PCDHGB5: variants seen among roughly 807,000 people sequenced by gnomAD.
The protein encoded by PCDHGB5 is protocadherin gamma-B5.
In PCDHGB5, 48 loss-of-function variants were observed where a neutral mutation model predicts 62.9. The observed-to-expected ratio is 0.76, with a 90% CI of 0.61 to 0.97. The LOEUF is 0.97. Among genes scored for constraint, PCDHGB5 ranks in the 50% least tolerant of loss-of-function variants. PCDHGB5 has a pLI of 0.00. For missense variants in PCDHGB5, 1,118 were observed against 1,198.6 expected (o/e 0.93, Z 0.99); for synonymous variants, 474 against 511.2 (o/e 0.93, Z 0.98).
chr5:141,506,162 C>T (rs1448735916), intron 3 of PCDHGB5, among the ~76,000 whole-genome samples: 1 of 152,124 alleles, frequency 6.6e-6, no homozygotes, highest in Non-Finnish European at 1.5e-5. Flanking sequence ...CTTAAGAGCA[C>T]AGCCTAAGCT....
intron 1 of PCDHGB5, among the ~76,000 whole-genome samples, chr5:141,462,897 G>A (rs2099049236): frequency 6.6e-6 from 1 of 152,130 alleles, no homozygotes; most frequent in South Asian, 2.1e-4. Context: ...TGTTTTGGAA[G>A]GCTATTATGT....
chr5:141,413,366 C>T (rs1452603006), intron 1 of PCDHGB5: 2 of 1,613,958 alleles, frequency 1.2e-6, no homozygotes, highest in Middle Eastern at 1.7e-4. Flanking sequence ...CGGGAGCTGG[C>T]GGAGCGCGGA....
At chr5:141,404,058 T>C (rs1411363585) in intron 1 of PCDHGB5, 1 of 1,613,778 alleles carries the variant, frequency 6.2e-7, no homozygotes, top group Non-Finnish European at 8.5e-7. Flanking sequence ...ATTCTTCTTT[T>C]CAATGCTCAT....
rs1310725827 is a variant in PCDHGB5, at chr5:141,500,934, T to C, written c.2457-4459T>C. The stretch of plus-strand genomic sequence containing the variant: ...TCCAGGCTGGGGTGCAGTGGCGCCA[T>C]CTCGGCTCACTGCAAGCTCCACCTC... On this transcript the variant is annotated intron_variant, in intron 2 of 3. Transcript: ENST00000617380. 5.9e-5 allele frequency among the ~76,000 whole-genome samples: 9 copies of C among 151,906 alleles called. 1 individual carries two copies. Among genetic ancestry groups the C allele is most frequent in the Non-Finnish European group, 1.3e-4 (9 of 68,020 alleles).
chr5:141,427,871 G>T, intron 1 of PCDHGB5: 1 of 1,559,532 alleles, frequency 6.4e-7, no homozygotes, highest in Non-Finnish European at 8.8e-7. Flanking sequence ...TCGAGCTCAC[G>T]ATGCAGGCCC....
In PCDHGB5 at chr5:141,413,486, C is replaced by T. The variant is rs756751796; in HGVS notation, c.2397+12962C>T. On this transcript the variant is annotated intron_variant, in intron 1 of 3. Transcript: ENST00000617380. Reference sequence around the variant, plus strand: ...CGGGAGGAGCTCTGCGCTCAGAGCGCGCGGTGCGTGGTGAGTTTTAATATC... The same window carrying T: ...CGGGAGGAGCTCTGCGCTCAGAGCGTGCGGTGCGTGGTGAGTTTTAATATC... 5.0e-6 allele frequency: 8 copies of T among 1,613,914 alleles called. No homozygotes were observed. The African/African-American group carries it at 9.3e-5, about 19-fold the overall frequency.
In PCDHGB5 at chr5:141,418,244, C is replaced by T. The variant is rs746986702; in HGVS notation, c.2397+17720C>T. 1.3e-5 allele frequency: 21 copies of T among 1,613,980 alleles called. No individual in the cohort carries two copies. The South Asian group carries it at 2.2e-4, about 17-fold the overall frequency. ...TGTGGTGATTGAGGATGTTAATGAC[C>T]ACGCCCCTCAATTCCGGAAAGATGA... is the stretch of plus-strand genomic sequence containing the variant. On this transcript the variant is annotated intron_variant, in intron 1 of 3. Transcript: ENST00000617380.
chr5:141,471,036 C>A (rs1437409726), intron 1 of PCDHGB5, among the ~76,000 whole-genome samples: 1 of 144,908 alleles, frequency 6.9e-6, no homozygotes, highest in Admixed American at 7.0e-5. Context: ...TATTAACAAG[C>A]CCAAGCCCTC....
chr5:141,502,331 G>C lies in PCDHGB5; in HGVS notation c.2457-3062G>C, dbSNP rs555959890. ...TCCTTTAATCTGGAGCCAGCTCCCA[G>C]TCTTTTTATTTTTTTAATGACATGG... On this transcript the variant is annotated intron_variant, in intron 2 of 3. Transcript: ENST00000617380. Among the ~76,000 whole-genome samples, 42 of 152,102 alleles carry C rather than the reference G, an allele frequency of 2.8e-4. No individual in the cohort carries two copies. The South Asian group carries it at 6.2e-3, about 23-fold the overall frequency.
chr5:141,410,185 T>A lies in PCDHGB5; in HGVS notation c.2397+9661T>A, dbSNP rs373680185. 10 of 1,613,812 alleles carry A rather than the reference T, an allele frequency of 6.2e-6. No individual in the cohort carries two copies. The African/African-American group carries it at 1.3e-4, about 22-fold the overall frequency. On this transcript the variant is annotated intron_variant, in intron 1 of 3. Transcript: ENST00000617380. ...CACTCTCTGCCACCGCCACGCTTCA[T>A]CTGGTCTTCGCAGACAACTTGCAAG...
At chr5:141,479,561 G>A (rs1032137833) in intron 1 of PCDHGB5, 1 of 152,270 alleles carries the variant, frequency 6.6e-6, no homozygotes, top group African/African-American at 2.4e-5. Context: ...CTATCCAGTA[G>A]TGGGATGACA....
chr5:141,508,725 G>C (rs1447443196), intron 3 of PCDHGB5, among the ~76,000 whole-genome samples: 1 of 151,788 alleles, frequency 6.6e-6, no homozygotes, highest in Non-Finnish European at 1.5e-5. Flanking sequence ...TGTGCAGGGA[G>C]ACTACACCCC....
At chr5:141,439,523 T>A (rs2098118339) in intron 1 of PCDHGB5, among the ~76,000 whole-genome samples, 1 of 152,202 alleles carries the variant, frequency 6.6e-6, no homozygotes, top group African/African-American at 2.4e-5. Context: ...CAACTAACTC[T>A]ACAGAACGCT....
At chr5:141,428,293 C>G (rs1278634119) in intron 1 of PCDHGB5, 1 of 716,436 alleles carries the variant, frequency 1.4e-6, no homozygotes, top group South Asian at 1.6e-5. Flanking sequence ...AGCAAAGCTG[C>G]AGATTTACCT....
At chr5:141,501,308 C>T (rs1220463692) in intron 2 of PCDHGB5, among the ~76,000 whole-genome samples, 2 of 151,492 alleles carry the variant, frequency 1.3e-5, no homozygotes, top group African/African-American at 2.4e-5. Context: ...CACACACACA[C>T]ACACACACAC....
rs145718404 is a variant in PCDHGB5 at position 141,404,928 on chromosome 5, C to T, written c.2397+4404C>T. On this transcript the variant is annotated intron_variant, in intron 1 of 3. Transcript: ENST00000617380. ...CAGCCCCCTCTCTCGGCCACTGTCA[C>T]GCTCACAGTAGCCATAGCTGACAGC... The T allele has an allele frequency of 1.6e-4, 263 of 1,613,866 alleles. 1 individual carries two copies. In the African/African-American group the frequency reaches 2.2e-3, roughly 13 times the overall value.
intron 1 of PCDHGB5, chr5:141,409,995 C>T: frequency 1.2e-6 from 2 of 1,613,308 alleles, no homozygotes; most frequent in Non-Finnish European, 1.7e-6. Context: ...GACGCCGACT[C>T]GGGACACAAC....
chr5:141,423,802 C>A, intron 1 of PCDHGB5: 3 of 1,254,704 alleles, frequency 2.4e-6, no homozygotes, highest in South Asian at 2.9e-5. Context: ...TAGAGCAATA[C>A]ATGTGAGTTT....
chr5:141,448,505 T>C (rs1041076095), intron 1 of PCDHGB5, among the ~76,000 whole-genome samples: 24 of 152,172 alleles, frequency 1.6e-4, no homozygotes, highest in African/African-American at 5.8e-4. Flanking sequence ...AGGTAAACAT[T>C]TTATAACTTT....
Sources: allele counts gnomAD v4.1 joint callset (sites outside exome capture counted in the v4.1 genomes callset), GRCh38; gene constraint gnomAD v4.1.1; transcripts MANE v1.5; gene names NCBI Gene and HGNC (gene_info 2026-07-23, HGNC 2026-07-21).